The following HHLA2 variants were observed in gnomAD, a reference collection of about 807,000 sequenced individuals.
The protein encoded by HHLA2 is HHLA2 member of B7 family.
In HHLA2, 48 loss-of-function variants were observed where a neutral mutation model predicts 45.9. The observed-to-expected ratio is 1.05, with a 90% CI of 0.83 to 1.33. HHLA2 has a LOEUF of 1.33. Ranked by LOEUF, HHLA2 falls within the 40% of genes most tolerant of loss-of-function variation. The pLI, the probability that HHLA2 is intolerant of heterozygous loss-of-function variation, is 0.00. For synonymous variants in HHLA2, 161 were observed against 173.9 expected, an observed-to-expected ratio of 0.93 and a Z score of 0.59; for missense variants, 462 against 494.3, an observed-to-expected ratio of 0.93 and a Z score of 0.62.
intron 4 of HHLA2, 35 bp downstream of exon 3, chr3:108,351,912 G>A (rs779638679): frequency 7.1e-7 from 1 of 1,414,512 alleles, no homozygotes; most frequent in South Asian, 1.2e-5. Flanking sequence ...TTAGTTATTT[G>A]CATTATCAGA....
intron 8 of HHLA2, among the ~76,000 whole-genome samples, chr3:108,363,806 C>CAGTTTTGA (rs2082017976): frequency 6.6e-6 from 1 of 152,116 alleles, no homozygotes; most frequent in African/African-American, 2.4e-5. Flanking sequence ...AAACACATGG[C>CAGTTTTGA]ACACTCAAAA....
At position 108,310,652 on chromosome 3, in the gene HHLA2, C is replaced by T. The variant is rs1465020579; in HGVS notation, c.-191-3C>T. The T allele has an allele frequency of 1.3e-5, 2 of 152,586 alleles. No individual in the cohort carries two copies. Among genetic ancestry groups the T allele is most frequent in the Admixed American group, 1.3e-4 (2 of 15,264 alleles). The allele number at this position is 152,586 out of a possible 1,614,324, so 9.5% of individuals were successfully genotyped here. A position where few individuals can be genotyped will look rare whatever the true frequency, so the allele number is the denominator to read the frequency against. ...TGATTATGGATTTGATTTCTCATCT[C>T]AGCACATATAGAACTGGATGCCCTT... On this transcript the variant is annotated splice_region_variant and splice_polypyrimidine_tract_variant and intron_variant, in intron 1 of 10. Transcript: ENST00000619531.
At chr3:108,316,084 T>TA (rs566823530) in intron 2 of HHLA2, among the ~76,000 whole-genome samples, 1,361 of 89,422 alleles carry the variant, frequency 0.015, 14 homozygotes, top group African/African-American at 0.022. Flanking sequence ...TGACAAACAG[T>TA]AAAAAAAAAA....
chr3:108,329,266 A>G (rs1161406675), intron 3 of HHLA2, among the ~76,000 whole-genome samples: 1 of 152,186 alleles, frequency 6.6e-6, no homozygotes, highest in Admixed American at 6.5e-5. Flanking sequence ...CTAACATGTG[A>G]TTCAGGATCA....
intron 2 of HHLA2, among the ~76,000 whole-genome samples, chr3:108,322,240 G>A (rs151033077): frequency 2.6e-5 from 4 of 152,310 alleles, no homozygotes; most frequent in South Asian, 2.1e-4. Flanking sequence ...GGTGATACAG[G>A]CTGGGTCTCT....
chr3:108,302,934 C>T (rs760481705), intron 1 of HHLA2: 10 of 152,278 alleles, frequency 6.6e-5, no homozygotes, highest in African/African-American at 9.6e-5. Context: ...ATCCTGGACT[C>T]GGTATGCTCT....
At chr3:108,351,544 G>A (rs1362574029) in intron 3 of HHLA2, among the ~76,000 whole-genome samples, 1 of 152,144 alleles carries the variant, frequency 6.6e-6, no homozygotes, top group Non-Finnish European at 1.5e-5. Context: ...CATATATCTT[G>A]TCAGTATCCT....
intron 10 of HHLA2, 74 bp from the exon 10 acceptor site, chr3:108,377,184 A>G: frequency 3.9e-6 from 4 of 1,034,540 alleles, no homozygotes; most frequent in Middle Eastern, 2.0e-4. Flanking sequence ...ACTACTATCA[A>G]TAAATATTTA....
At chr3:108,332,656 C>T (rs962339088) in intron 3 of HHLA2, among the ~76,000 whole-genome samples, 1 of 152,100 alleles carries the variant, frequency 6.6e-6, no homozygotes, top group East Asian at 1.9e-4. Flanking sequence ...TAACCCTGAC[C>T]GTTCTGAGCC....
chr3:108,348,745 C>T (rs576941116), intron 3 of HHLA2, among the ~76,000 whole-genome samples: 1 of 151,944 alleles, frequency 6.6e-6, no homozygotes, highest in Non-Finnish European at 1.5e-5. Flanking sequence ...GTTTGCTGCA[C>T]CCATCAACCC....
At chr3:108,316,408 T>G (rs1373271464) in intron 2 of HHLA2, among the ~76,000 whole-genome samples, 1 of 152,234 alleles carries the variant, frequency 6.6e-6, no homozygotes, top group Non-Finnish European at 1.5e-5. Context: ...CTAATTATGC[T>G]TAGCTTTTGT....
chr3:108,312,857 G>A (rs2081043211), intron 2 of HHLA2, among the ~76,000 whole-genome samples: 1 of 152,116 alleles, frequency 6.6e-6, no homozygotes, highest in Admixed American at 6.6e-5. Flanking sequence ...TTTTACAGAG[G>A]GAATGGAGAA....
chr3:108,358,143 A>T, exon 7 of HHLA2: 1 of 1,609,294 alleles, frequency 6.2e-7, no homozygotes, highest in East Asian at 2.2e-5. Flanking sequence ...TTTACTTACC[A>T]TCCACACAGT....
intron 1 of HHLA2, among the ~76,000 whole-genome samples, chr3:108,301,551 C>G (rs958130430): frequency 6.6e-5 from 10 of 152,040 alleles, no homozygotes; most frequent in Non-Finnish European, 4.4e-5. Context: ...AATTTTCCTC[C>G]CCTGCCCCCA....
chr3:108,370,492 G>T (rs906336449), intron 8 of HHLA2, among the ~76,000 whole-genome samples: 1 of 152,180 alleles, frequency 6.6e-6, no homozygotes, highest in Non-Finnish European at 1.5e-5. Context: ...ACTTTGACGA[G>T]TTGAGAGAAG....
At chr3:108,346,711 G>A (rs2081666625) in intron 3 of HHLA2, among the ~76,000 whole-genome samples, 1 of 152,130 alleles carries the variant, frequency 6.6e-6, no homozygotes, top group African/African-American at 2.4e-5. Flanking sequence ...ACATGATATT[G>A]TGAAGTACAC....
At chr3:108,317,072 A>C (rs1018729316) in intron 2 of HHLA2, among the ~76,000 whole-genome samples, 3 of 152,216 alleles carry the variant, frequency 2.0e-5, no homozygotes, top group Admixed American at 1.3e-4. Flanking sequence ...GGGTAAATAG[A>C]AATTGCAATC....
chr3:108,336,897 G>C (rs146243225), intron 3 of HHLA2, among the ~76,000 whole-genome samples: 7 of 152,156 alleles, frequency 4.6e-5, no homozygotes, highest in Admixed American at 4.6e-4. Context: ...TTCTGGCTTG[G>C]GGATAAATGG....
At chr3:108,314,736 G>T (rs2081075888) in intron 2 of HHLA2, among the ~76,000 whole-genome samples, 1 of 152,284 alleles carries the variant, frequency 6.6e-6, no homozygotes, top group Non-Finnish European at 1.5e-5. Flanking sequence ...TTTATCCACT[G>T]CCACCTTGAA....
Sources: allele counts gnomAD v4.1 joint callset (sites outside exome capture counted in the v4.1 genomes callset), GRCh38; gene constraint gnomAD v4.1.1; transcripts MANE v1.5; gene names NCBI Gene and HGNC (gene_info 2026-07-23, HGNC 2026-07-21).